The following FYB1 variants were observed in gnomAD, a reference collection of about 807,000 sequenced individuals.
FYB1 encodes the protein FYN-binding protein 1.
A neutral mutation model predicts 94.1 loss-of-function variants in FYB1; 41 were observed. That is an observed-to-expected ratio of 0.44 (90% CI 0.34 to 0.57). The LOEUF is 0.57. Among genes scored for constraint, FYB1 ranks in the 20% least tolerant of loss-of-function variants. FYB1 has a pLI of 0.02. For missense variants in FYB1, 1,050 were observed against 976.8 expected, an observed-to-expected ratio of 1.07 and a Z score of -1.00; for synonymous variants, 367 against 353.2, an observed-to-expected ratio of 1.04 and a Z score of -0.44.
intron 1 of FYB1, among the ~76,000 whole-genome samples, chr5:39,246,572 A>G (rs1480381880): frequency 6.6e-6 from 1 of 152,210 alleles, no homozygotes; most frequent in Admixed American, 6.5e-5. Flanking sequence ...CTGTCCATAC[A>G]CTGGTTTCAC....
At chr5:39,172,519 A>G (rs959334415) in intron 2 of FYB1, among the ~76,000 whole-genome samples, 1 of 152,050 alleles carries the variant, frequency 6.6e-6, no homozygotes, top group African/African-American at 2.4e-5. Flanking sequence ...ACATGGGTGT[A>G]TTGTGTGACA....
At chr5:39,233,902 G>A (rs1244949060) in intron 1 of FYB1, among the ~76,000 whole-genome samples, 1 of 152,152 alleles carries the variant, frequency 6.6e-6, no homozygotes, top group East Asian at 1.9e-4. Context: ...TAACATAGTA[G>A]TATTATTGTG....
At chr5:39,197,163 T>A (rs1747906199) in intron 2 of FYB1, among the ~76,000 whole-genome samples, 1 of 152,200 alleles carries the variant, frequency 6.6e-6, no homozygotes, top group African/African-American at 2.4e-5. Flanking sequence ...TAATTACTTC[T>A]AACAAGAAAA....
intron 1 of FYB1, among the ~76,000 whole-genome samples, chr5:39,226,637 A>G (rs956460875): frequency 6.6e-6 from 1 of 152,212 alleles, no homozygotes; most frequent in East Asian, 1.9e-4. Flanking sequence ...AGCATTCTAC[A>G]TCTTCATTCT....
At chr5:39,141,780 G>A (rs1224676377) in intron 3 of FYB1, among the ~76,000 whole-genome samples, 2 of 152,004 alleles carry the variant, frequency 1.3e-5, no homozygotes, top group African/African-American at 4.8e-5. Context: ...GCTGAGGTAG[G>A]AGAATTGCTT....
At chr5:39,148,724 A>G (rs972983733) in intron 3 of FYB1, among the ~76,000 whole-genome samples, 5 of 152,086 alleles carry the variant, frequency 3.3e-5, no homozygotes, top group Non-Finnish European at 5.9e-5. Flanking sequence ...TAAAACACAC[A>G]CATAAACAGA....
At chr5:39,113,953 A>G (rs1056700944) in intron 16 of FYB1, among the ~76,000 whole-genome samples, 6 of 152,036 alleles carry the variant, frequency 3.9e-5, no homozygotes, top group African/African-American at 1.2e-4. Context: ...TTATATTGTT[A>G]TTTCTGGGGC....
At chr5:39,238,214 G>A (rs927838380) in intron 1 of FYB1, among the ~76,000 whole-genome samples, 3 of 151,994 alleles carry the variant, frequency 2.0e-5, no homozygotes, top group Admixed American at 2.0e-4. Flanking sequence ...GCATGTATAT[G>A]TGTGTATATA....
intron 2 of FYB1, among the ~76,000 whole-genome samples, chr5:39,190,975 A>G (rs73749455): frequency 0.013 from 1,979 of 152,334 alleles, 50 homozygotes; most frequent in African/African-American, 0.045. Context: ...TCGAAGAGAA[A>G]TAGGAAGTAC....
chr5:39,164,172 G>T (rs966324737), intron 2 of FYB1, among the ~76,000 whole-genome samples: 1 of 152,152 alleles, frequency 6.6e-6, no homozygotes, highest in Non-Finnish European at 1.5e-5. Context: ...TCAGCTGTCT[G>T]TGGGTGCCAG....
chr5:39,135,537 T>C lies in FYB1; in HGVS notation c.1516-523A>G, dbSNP rs571959328. 3.3e-5 allele frequency among the ~76,000 whole-genome samples: 5 copies of C among 152,304 alleles called. No homozygotes were observed. The East Asian group carries it at 9.6e-4, about 29-fold the overall frequency. On this transcript the variant is annotated intron_variant, in intron 7 of 18. Transcript: ENST00000512982. ...TTTTTCAAATTAATATTCTGAACAGTATGGTGGCTTATTGATAGAAGGATA... is the reference window on the plus strand; with the variant it reads ...TTTTTCAAATTAATATTCTGAACAGCATGGTGGCTTATTGATAGAAGGATA...
intron 2 of FYB1, among the ~76,000 whole-genome samples, chr5:39,178,618 TG>T (rs1474140126): frequency 6.6e-6 from 1 of 152,198 alleles, no homozygotes; most frequent in African/African-American, 2.4e-5. Flanking sequence ...ATAAAGTTAC[TG>T]GTAAAATATC....
chr5:39,207,905 G>A (rs959220394), intron 1 of FYB1, among the ~76,000 whole-genome samples: 4 of 152,162 alleles, frequency 2.6e-5, no homozygotes, highest in Admixed American at 1.3e-4. Context: ...CTATACGAGA[G>A]CCTCCCACAA....
Position 39,153,581 on chromosome 5 carries a change from A to G in FYB1, c.1159T>C (p.Tyr387His), listed in dbSNP as rs1316656843. The G allele has an allele frequency of 1.9e-6, 3 of 1,613,618 alleles. No homozygotes were observed. In the African/African-American group the frequency reaches 4.0e-5, roughly 22 times the overall value. ...GGTGGTGGCAGGGAAGTTGTTGAGT[A>G]AGACGTCTGGCCTTTGCTAGTACCT... ...GNSTSKGQTSYSTTSLPPPPP... is the reference protein window; with the variant it reads ...GNSTSKGQTSHSTTSLPPPPP... The change falls in exon 3 of 19, where the codon TAC becomes CAC. Residue 387 changes from tyrosine to histidine, a missense_variant. By Grantham distance (83) the Tyr-to-His change is moderately conservative (BLOSUM62 2). Transcript: ENST00000512982.
In FYB1 at chr5:39,117,324, A is replaced by G. The variant is rs185240894; in HGVS notation, c.2401+1550T>C. The stretch of plus-strand genomic sequence containing the variant: ...TCATAATTTTCATTTAGAACATTCA[A>G]TTGGGTGTATTCATCGTAACATTTA... On this transcript the variant is annotated intron_variant, in intron 16 of 18. Coordinates refer to ENST00000512982, the MANE Select transcript of FYB1 (RefSeq NM_001465.6). Among the ~76,000 whole-genome samples the G allele has an allele frequency of 3.0e-4, 46 of 152,300 alleles. No individual in the cohort carries two copies. In the East Asian group the frequency reaches 6.8e-3, roughly 22 times the overall value.
In FYB1 at chr5:39,202,908, C is replaced by A. The variant is rs1748498765; in HGVS notation, c.53G>T (p.Ser18Ile). ...GNPTEDVSVN[S>I]RPFRVTGPNS... ...TGGCCCTGTGACTCTGAAGGGTCGGCTATTGACTGAGACATCCTCTGTCGG... is the reference window on the plus strand; with the variant it reads ...TGGCCCTGTGACTCTGAAGGGTCGGATATTGACTGAGACATCCTCTGTCGG... Residue 18 changes from serine to isoleucine, a missense_variant, in exon 2 of 19, where the codon AGC becomes ATC. Ser to Ile is a moderately radical substitution (Grantham distance 142). Transcript: ENST00000512982. 1 of 1,613,844 alleles carries A rather than the reference C, an allele frequency of 6.2e-7. No homozygotes were observed. The highest frequency in any genetic ancestry group is 1.1e-5 in the South Asian group (1 of 91,090).
At chr5:39,243,291 T>C (rs1751304908) in intron 1 of FYB1, among the ~76,000 whole-genome samples, 1 of 151,940 alleles carries the variant, frequency 6.6e-6, no homozygotes, top group Non-Finnish European at 1.5e-5. Context: ...ATTTAAGTCT[T>C]TAATCCATCT....
At chr5:39,267,948 T>C (rs1460194940) in intron 1 of FYB1, among the ~76,000 whole-genome samples, 1 of 152,154 alleles carries the variant, frequency 6.6e-6, no homozygotes, top group Non-Finnish European at 1.5e-5. Flanking sequence ...AACTGAAATG[T>C]CCAACTCTAT....
intron 9 of FYB1, among the ~76,000 whole-genome samples, chr5:39,133,995 A>G (rs996710524): frequency 9.2e-5 from 14 of 152,222 alleles, no homozygotes; most frequent in African/African-American, 2.7e-4. Context: ...ATGGCCCACT[A>G]TATTTCAAGT....
Sources: gnomAD v4.1 joint callset for allele counts (sites outside exome capture counted in the v4.1 genomes callset) on GRCh38, gnomAD v4.1.1 for gene constraint, MANE v1.5 for transcripts, NCBI Gene and HGNC (gene_info 2026-07-23, HGNC 2026-07-21) for gene names.